Variants in PIGN observed in about 807,000 individuals in gnomAD.
The protein encoded by PIGN is GPI ethanolamine phosphate transferase 1.
In PIGN, 117 loss-of-function variants were observed where a neutral mutation model predicts 125.4. That is an observed-to-expected ratio of 0.93 (90% CI 0.80 to 1.09). The LOEUF (loss-of-function observed/expected upper bound fraction) is 1.09. Among genes scored for constraint, PIGN ranks in the 50% least tolerant of loss-of-function variants. The probability of loss-of-function intolerance (pLI) is 0.00; values close to 1 mark genes in which losing one functional copy is unlikely to be tolerated. For synonymous variants in PIGN, 392 were observed against 377.8 expected, an observed-to-expected ratio of 1.04 and a Z score of -0.44; for missense variants, 1,075 against 1,094.9, an observed-to-expected ratio of 0.98 and a Z score of 0.26.
intron 23 of PIGN, among the ~76,000 whole-genome samples, chr18:62,091,223 C>A (rs748548575): frequency 1.3e-5 from 2 of 151,996 alleles, no homozygotes. Flanking sequence ...TGGTGTGCGC[C>A]TGCCCAGCTA....
rs2030362614 is a variant in PIGN at position 62,041,310 on chromosome 18, T to A, written c.*4546A>T. 6.6e-6 allele frequency: 1 copy of A among 152,198 alleles called. No individual in the cohort carries two copies. Among genetic ancestry groups the A allele is most frequent in the Non-Finnish European group, 1.5e-5 (1 of 68,040 alleles). The allele number at this position is 152,198 out of a possible 1,614,324, so 9.4% of individuals were successfully genotyped here. ...CACTGGCCTTTCCCACATGAAAGACTAAATGATGACAGGTGTAATATATAC... is the reference window on the plus strand; with the variant it reads ...CACTGGCCTTTCCCACATGAAAGACAAAATGATGACAGGTGTAATATATAC... On this transcript the variant is annotated 3_prime_UTR_variant, in exon 31 of 31. Transcript: ENST00000640252.
At chr18:62,123,150 G>A (rs182552040) in intron 14 of PIGN, among the ~76,000 whole-genome samples, 142 of 152,202 alleles carry the variant, frequency 9.3e-4, no homozygotes, top group Non-Finnish European at 1.6e-3. Context: ...TGAGGCAGGA[G>A]GACAGCTTGA....
downstream of PIGN, among the ~76,000 whole-genome samples, chr18:62,038,252 A>G (rs2030285876): frequency 6.7e-6 from 1 of 148,372 alleles, no homozygotes; most frequent in Admixed American, 6.7e-5. Context: ...GGAGCTTCGG[A>G]TTTCTCGTAA....
intron 1 of PIGN, among the ~76,000 whole-genome samples, chr18:62,170,459 C>A: frequency 6.6e-6 from 1 of 152,146 alleles, no homozygotes; most frequent in Middle Eastern, 3.2e-3. Context: ...GATCAGTGAT[C>A]TTTGATGTTA....
chr18:62,182,021 C>T (rs752348072), intron 1 of PIGN, among the ~76,000 whole-genome samples: 39 of 152,256 alleles, frequency 2.6e-4, no homozygotes, highest in Admixed American at 5.2e-4. Flanking sequence ...CCACCATGCC[C>T]GGCTGCCTTC....
In PIGN at chr18:62,041,258, C is replaced by T. The variant is rs1399849746; in HGVS notation, c.*4598G>A. ...ACTCTAGCAGGGCTAGACAATGAGCCATGATGAACCGAATGCAATCTGGTA... is the reference window on the plus strand; with the variant it reads ...ACTCTAGCAGGGCTAGACAATGAGCTATGATGAACCGAATGCAATCTGGTA... On this transcript the variant is annotated 3_prime_UTR_variant, in exon 31 of 31. Coordinates refer to ENST00000640252, the MANE Select transcript of PIGN (RefSeq NM_176787.5). The T allele has an allele frequency of 6.6e-6, 1 of 152,122 alleles. No homozygotes were observed. The highest frequency in any genetic ancestry group is 1.5e-5 in the Non-Finnish European group (1 of 68,032). The allele number at this position is 152,122 out of a possible 1,614,324, so 9.4% of individuals were successfully genotyped here.
At chr18:62,061,904 T>C (rs2032170130) in intron 30 of PIGN, among the ~76,000 whole-genome samples, 1 of 152,182 alleles carries the variant, frequency 6.6e-6, no homozygotes, top group Admixed American at 6.5e-5. Flanking sequence ...GTTTTGAATC[T>C]TGACGTACAT....
At chr18:62,152,837 A>T (rs1056813579) in intron 7 of PIGN, among the ~76,000 whole-genome samples, 7 of 150,412 alleles carry the variant, frequency 4.7e-5, no homozygotes, top group African/African-American at 1.7e-4. Flanking sequence ...TAAGACAGTA[A>T]ATTCTGTATT....
At position 62,045,172 on chromosome 18, in the gene PIGN, A is replaced by T. The variant is rs1338764202; in HGVS notation, c.*684T>A. On this transcript the variant is annotated 3_prime_UTR_variant, in exon 31 of 31. Transcript: ENST00000640252. ...TATGTATAAGACAGAAATACCAAGC[A>T]CTTTCTACTTTTGTGTTGTCAGAAA... The T allele has an allele frequency of 6.6e-6, 1 of 152,074 alleles. No individual in the cohort carries two copies. Among genetic ancestry groups the T allele is most frequent in the East Asian group, 1.9e-4 (1 of 5,188 alleles). The allele number at this position is 152,074 out of a possible 1,614,324, so 9.4% of individuals were successfully genotyped here. A position where few individuals can be genotyped will look rare whatever the true frequency, so the allele number is the denominator to read the frequency against.
downstream of PIGN, among the ~76,000 whole-genome samples, chr18:62,038,968 A>C (rs2030298815): frequency 6.6e-6 from 1 of 150,688 alleles, no homozygotes; most frequent in Non-Finnish European, 1.5e-5. Context: ...TAATAGCTAC[A>C]ATAATTGATT....
intron 6 of PIGN, among the ~76,000 whole-genome samples, chr18:62,155,692 G>A (rs1356149734): frequency 1.3e-5 from 2 of 152,100 alleles, no homozygotes; most frequent in Non-Finnish European, 2.9e-5. Context: ...CAAATAAAAA[G>A]GTCTGACTGG....
At chr18:62,112,226 C>T (rs576241075) in intron 16 of PIGN, among the ~76,000 whole-genome samples, 5 of 152,228 alleles carry the variant, frequency 3.3e-5, no homozygotes, top group African/African-American at 1.2e-4. Context: ...ATTTAAGATA[C>T]ATTAAAGCAT....
chr18:62,156,839 C>A (rs1211912143), intron 6 of PIGN, among the ~76,000 whole-genome samples: 1 of 151,954 alleles, frequency 6.6e-6, no homozygotes, highest in Non-Finnish European at 1.5e-5. Context: ...GAAATTGAAG[C>A]TCAGAGAGGT....
Position 62,109,937 on chromosome 18 carries a change from T to G in PIGN, c.1471A>C (p.Ile491Leu). ...AGAAAAAATGCTACTAAAATGCCAATAGCTACAAAACTACAAGGCAGGAGA... is the reference window on the plus strand; with the variant it reads ...AGAAAAAATGCTACTAAAATGCCAAGAGCTACAAAACTACAAGGCAGGAGA... ...SHLLPCSFVAIGILVAFFLLI... is the reference protein window; with the variant it reads ...SHLLPCSFVALGILVAFFLLI... The change falls in exon 17 of 31, where the codon ATT (isoleucine) becomes CTT (leucine). Residue 491 changes from isoleucine (I) to leucine (L), a missense_variant. Ile to Leu is a conservative substitution (Grantham distance 5). This residue lies in a region of PIGN where 915 missense variants were observed against 908.7 expected (regional missense o/e 1.01). Transcript: ENST00000640252. 6.2e-7 allele frequency: 1 copy of G among 1,613,324 alleles called. No homozygotes were observed. The highest frequency in any genetic ancestry group is 8.5e-7 in the Non-Finnish European group (1 of 1,179,518).
At position 62,106,827 on chromosome 18, in the gene PIGN, C is replaced by G. The variant is rs1455253954; in HGVS notation, c.1729G>C (p.Ala577Pro). 1.9e-6 allele frequency: 3 copies of G among 1,609,042 alleles called. No individual in the cohort carries two copies. The highest frequency in any genetic ancestry group is 2.5e-6 in the Non-Finnish European group (3 of 1,177,648). The change falls in exon 19 of 31, where the codon GCT (alanine) becomes CCT (proline). Residue 577 changes from alanine to proline, a missense_variant. Ala to Pro is a conservative substitution (Grantham distance 27, BLOSUM62 -1). This residue lies in a region of PIGN where 915 missense variants were observed against 908.7 expected (regional missense o/e 1.01). Transcript: ENST00000640252. ...MLTAGLTAFAAWPFLTRLWTR... is the reference protein window; with the variant it reads ...MLTAGLTAFAPWPFLTRLWTR... ...CACAGCCGAGTGAGAAATGGCCAAG[C>G]TGCAAAGGCAGTAAGTCCAGCGGTA...
chr18:62,063,783 A>G (rs1238549988), intron 30 of PIGN, among the ~76,000 whole-genome samples: 1 of 151,158 alleles, frequency 6.6e-6, no homozygotes, highest in Non-Finnish European at 1.5e-5. Context: ...TTGCAGGGAC[A>G]TGGATGAAGC....
Position 62,046,092 on chromosome 18 carries a change from G to A in PIGN, c.2673-113C>T, listed in dbSNP as rs147271638. On this transcript the variant is annotated intron_variant, in intron 30 of 30. Transcript: ENST00000640252. ...ATGAAAATCTCCACTTTCAGGAGCT[G>A]GAGTGGGTGTTCTTTACCTTATTCC... is the stretch of plus-strand genomic sequence containing the variant. 5.6e-4 allele frequency: 613 copies of A among 1,091,832 alleles called. 3 individuals carry two copies. The African/African-American group carries it at 8.6e-3, about 15-fold the overall frequency. 67.6% of individuals were successfully genotyped at this position (1,091,832 alleles called of 1,614,324 possible). A position where few individuals can be genotyped will look rare whatever the true frequency, so the allele number is the denominator to read the frequency against.
intron 23 of PIGN, among the ~76,000 whole-genome samples, chr18:62,026,920 G>T (rs1019346337): frequency 6.6e-6 from 1 of 152,192 alleles, no homozygotes; most frequent in Non-Finnish European, 1.5e-5. Flanking sequence ...GCTGACGGGG[G>T]GCCAAGGCGC....
intron 1 of PIGN, among the ~76,000 whole-genome samples, chr18:62,173,078 A>G (rs2037394690): frequency 6.6e-6 from 1 of 152,244 alleles, no homozygotes; most frequent in South Asian, 2.1e-4. Context: ...AGAAAGCAAT[A>G]GAAGAGACAA....
Sources: gnomAD v4.1 joint callset for allele counts (sites outside exome capture counted in the v4.1 genomes callset) on GRCh38, gnomAD v4.1.1 for gene constraint, gnomAD v4.1.1 regional missense constraint, MANE v1.5 for transcripts, NCBI Gene and HGNC (gene_info 2026-07-23, HGNC 2026-07-21) for gene names.